The following HMOX1 variants were observed in gnomAD, a reference collection of about 807,000 sequenced individuals.
The protein encoded by HMOX1 is heme oxygenase 1.
HMOX1 carries 22 observed loss-of-function variants against 27.8 expected under a neutral mutation model. The ratio of observed to expected loss-of-function variants is 0.79; its 90% CI spans 0.57 to 1.13. HMOX1 has a LOEUF of 1.13. Ranked by LOEUF, HMOX1 falls within the 50% of genes most tolerant of loss-of-function variation. The probability of loss-of-function intolerance (pLI) is 0.00; values close to 1 mark genes in which losing one functional copy is unlikely to be tolerated. For synonymous variants in HMOX1, 153 were observed against 151.6 expected (o/e 1.01, Z -0.07); for missense variants, 379 against 377.7 (o/e 1.00, Z -0.03).
intron 3 of HMOX1, among the ~76,000 whole-genome samples, chr22:35,388,753 C>T (rs890060873): frequency 5.1e-4 from 77 of 150,042 alleles, no homozygotes; most frequent in African/African-American, 2.5e-4. Flanking sequence ...GCAGAGATCG[C>T]GCCACTGCAC....
Position 35,387,091 on chromosome 22 carries a change from C to T in HMOX1, c.551C>T (p.Ser184Phe). 1 of 1,613,622 alleles carries T rather than the reference C, an allele frequency of 6.2e-7. No individual in the cohort carries two copies. The highest frequency in any genetic ancestry group is 8.5e-7 in the Non-Finnish European group (1 of 1,180,020). ...ACCAAGTTCAAGCAGCTCTACCGCT[C>T]CCGCATGAACTCCCTGGAGATGACT... ...SATKFKQLYRSRMNSLEMTPA... is the reference protein window; with the variant it reads ...SATKFKQLYRFRMNSLEMTPA... The change falls in exon 3 of 5, where the codon TCC (serine) becomes TTC (phenylalanine). Residue 184 changes from serine to phenylalanine, a missense_variant. Transcript: ENST00000216117.
At chr22:35,388,402 T>C (rs866486647) in intron 3 of HMOX1, among the ~76,000 whole-genome samples, 9 of 151,408 alleles carry the variant, frequency 5.9e-5, no homozygotes, top group Middle Eastern at 3.4e-3. Flanking sequence ...CAGTAAGCCA[T>C]GATTATGCTA....
At chr22:35,391,689 G>A (rs1931728361) in intron 4 of HMOX1, among the ~76,000 whole-genome samples, 1 of 143,550 alleles carries the variant, frequency 7.0e-6, no homozygotes, top group Non-Finnish European at 1.5e-5. Flanking sequence ...AACCTCCCAG[G>A]TTCAAGGGAT....
intron 2 of HMOX1, 75 bp from the exon 3 acceptor site, chr22:35,386,610 C>T (rs1213976140): frequency 6.3e-7 from 1 of 1,597,782 alleles, no homozygotes; most frequent in Admixed American, 1.7e-5. Flanking sequence ...TTTCCAAAGG[C>T]AGTAGTGGAC....
chr22:35,383,059 C>G (rs778351892), intron 1 of HMOX1, 47 bp from the exon 2 acceptor site: 1 of 1,608,990 alleles, frequency 6.2e-7, no homozygotes, highest in Non-Finnish European at 8.5e-7. Flanking sequence ...TGGGAAGGAC[C>G]CCACCCCCAG....
In HMOX1 at chr22:35,386,847, G is replaced by A. The variant is rs1297001551; in HGVS notation, c.307G>A (p.Glu103Lys). 1 of 1,614,096 alleles carries A rather than the reference G, an allele frequency of 6.2e-7. No homozygotes were observed. Among genetic ancestry groups the A allele is most frequent in the Non-Finnish European group, 8.5e-7 (1 of 1,180,052 alleles). The change falls in exon 3 of 5, where the codon GAG (glutamate) becomes AAG (lysine). Residue 103 changes from glutamate to lysine, a missense_variant. Transcript: ENST00000216117. ...LAFWYGPRWQ[E>K]VIPYTPAMQR... is the part of the protein sequence containing the mutation. ...CTTCTGGTACGGGCCCCGCTGGCAG[G>A]AGGTCATCCCCTACACACCAGCCAT...
chr22:35,382,646 AGCCACCAT>A (rs1172777904), intron 1 of HMOX1, among the ~76,000 whole-genome samples: 1 of 147,660 alleles, frequency 6.8e-6, no homozygotes, highest in Non-Finnish European at 1.5e-5. Context: ...TACAGGCGTG[AGCCACCAT>A]GCCTGGCCCT....
intron 4 of HMOX1, among the ~76,000 whole-genome samples, chr22:35,392,038 A>C (rs1931736893): frequency 6.6e-6 from 1 of 151,754 alleles, no homozygotes; most frequent in Non-Finnish European, 1.5e-5. Flanking sequence ...CAACCTGGCC[A>C]ATGTGGTGAG....
chr22:35,389,250 TTCTCTCTCTCTCTC>T lies in HMOX1; in HGVS notation c.637-603_637-590del. Among the ~76,000 whole-genome samples the T allele has an allele frequency of 1.9e-5, 2 of 107,862 alleles. 1 individual carries two copies. The highest frequency in any genetic ancestry group is 5.3e-4 in the East Asian group (2 of 3,762). 70.8% of individuals were successfully genotyped at this position (107,862 alleles called of 152,430 possible). A position where few individuals can be genotyped will look rare whatever the true frequency, so the allele number is the denominator to read the frequency against. ...CTTTCTTTCTTTCTTTTTCTTTCTT[TTCTCTCTCTCTCTC>T]TCTCTCTCTCCTCTCTCTCTCTCTC... On this transcript the variant is annotated intron_variant, in intron 3 of 4. Transcript: ENST00000216117.
chr22:35,388,722 G>A (rs543386659), intron 3 of HMOX1, among the ~76,000 whole-genome samples: 181 of 151,674 alleles, frequency 1.2e-3, no homozygotes, highest in Admixed American at 2.4e-3. Context: ...GCGTGAACCC[G>A]GGAGGCGGAG....
At position 35,385,911 on chromosome 22, in the gene HMOX1, G is replaced by A. The variant is rs541989763; in HGVS notation, c.145-774G>A. The stretch of plus-strand genomic sequence containing the variant: ...CTCCCAAAGTGCTGGGATTACAGGC[G>A]TGAGCCACCGCGTCCAGCTGGCTAG... On this transcript the variant is annotated intron_variant, in intron 2 of 4. Transcript: ENST00000216117. Among the ~76,000 whole-genome samples, 66 of 152,002 alleles carry A rather than the reference G, an allele frequency of 4.3e-4. 1 individual carries two copies. Among genetic ancestry groups the A allele is most frequent in the Non-Finnish European group, 6.3e-4 (43 of 67,982 alleles).
At chr22:35,386,110 C>T (rs576896519) in intron 2 of HMOX1, among the ~76,000 whole-genome samples, 1 of 152,142 alleles carries the variant, frequency 6.6e-6, no homozygotes, top group South Asian at 2.1e-4. Context: ...CGCCCGCCAC[C>T]ACGCCCGGCT....
rs529181541 is a variant in HMOX1 at position 35,389,294 on chromosome 22, T to C, written c.637-570T>C. 1.1e-3 allele frequency among the ~76,000 whole-genome samples: 133 copies of C among 116,162 alleles called. 16 individuals carry two copies. The highest frequency in any genetic ancestry group is 3.4e-3 in the African/African-American group (58 of 17,176). The allele number at this position is 116,162 out of a possible 152,430, so 76.2% of individuals were successfully genotyped here. A position where few individuals can be genotyped will look rare whatever the true frequency, so the allele number is the denominator to read the frequency against. ...TCTCTCCTCTCTCTCTCTCTCTTCT[T>C]TCTTCTTTCTTTCTTTCTTTCTTTC... On this transcript the variant is annotated intron_variant, in intron 3 of 4. Transcript: ENST00000216117.
At chr22:35,390,449 G>A (rs1175331001) in intron 4 of HMOX1, among the ~76,000 whole-genome samples, 3 of 151,948 alleles carry the variant, frequency 2.0e-5, no homozygotes, top group East Asian at 1.9e-4. Flanking sequence ...GGCTGGTCTC[G>A]AACTCCTGAC....
chr22:35,389,259 TC>T lies in HMOX1; in HGVS notation c.637-604del, dbSNP rs1435997874. Among the ~76,000 whole-genome samples, 23 of 130,540 alleles carry T rather than the reference TC, an allele frequency of 1.8e-4. 3 individuals are homozygous for T. Among genetic ancestry groups the T allele is most frequent in the African/African-American group, 7.4e-4 (19 of 25,732 alleles). 85.6% of individuals were successfully genotyped at this position (130,540 alleles called of 152,430 possible). On this transcript the variant is annotated intron_variant, in intron 3 of 4. Coordinates refer to ENST00000216117, the MANE Select transcript of HMOX1 (RefSeq NM_002133.3). ...TTTCTTTTTCTTTCTTTTCTCTCTC[TC>T]TCTCTCTCTCTCTCCTCTCTCTCTC...
intron 3 of HMOX1, 127 bp from the exon 4 acceptor site, chr22:35,389,737 G>A (rs542939434): frequency 4.0e-5 from 30 of 746,938 alleles, no homozygotes; most frequent in Non-Finnish European, 6.3e-5. Flanking sequence ...CACCGTGTCC[G>A]GCCAATATTT....
chr22:35,383,320 G>A, intron 2 of HMOX1, 94 bp downstream of exon 2: 1 of 1,356,670 alleles, frequency 7.4e-7, no homozygotes. Context: ...GGATGCTGAG[G>A]GACCAGATGG....
At chr22:35,387,804 GGGCTCGGGGTCATGCCCTCCT>G (rs1310594602) in intron 3 of HMOX1, among the ~76,000 whole-genome samples, 1 of 152,226 alleles carries the variant, frequency 6.6e-6, no homozygotes, top group Non-Finnish European at 1.5e-5. Flanking sequence ...ATGGGGCCTG[GGGCTCGGGGTCATGCCCTCCT>G]GGCTCCCTAC....
At chr22:35,385,962 A>T (rs1327782985) in intron 2 of HMOX1, among the ~76,000 whole-genome samples, 8 of 132,248 alleles carry the variant, frequency 6.0e-5, no homozygotes, top group African/African-American at 1.5e-4. Flanking sequence ...ATTTATTTTT[A>T]TTTATTTTTT....
Sources: allele counts gnomAD v4.1 joint callset (sites outside exome capture counted in the v4.1 genomes callset), GRCh38; gene constraint gnomAD v4.1.1; transcripts MANE v1.5; gene names NCBI Gene and HGNC (gene_info 2026-07-23, HGNC 2026-07-21).